MYOCOS: variants seen among roughly 807,000 people sequenced by gnomAD.
MYOCOS encodes myocilin opposite strand protein.
At chr1:171,601,726 A>G (rs1652145331) in intron 1 of MYOCOS, among the ~76,000 whole-genome samples, 1 of 152,080 alleles carries the variant, frequency 6.6e-6, no homozygotes, top group South Asian at 2.1e-4. Flanking sequence ...CACCCAGACC[A>G]ATTTCCGTAC....
intron 2 of MYOCOS, among the ~76,000 whole-genome samples, chr1:171,624,279 T>C (rs999045974): frequency 6.6e-6 from 1 of 152,048 alleles, no homozygotes; most frequent in Admixed American, 6.5e-5. Flanking sequence ...TTTTGTTTTT[T>C]TGAGACAGGG....
intron 1 of MYOCOS, among the ~76,000 whole-genome samples, chr1:171,609,318 C>T (rs182164865): frequency 2.7e-4 from 41 of 152,362 alleles, no homozygotes; most frequent in African/African-American, 9.1e-4. Flanking sequence ...CTCCTTGAGA[C>T]TAGAGTCAAG....
chr1:171,604,692 C>T (rs1462778936), intron 1 of MYOCOS, among the ~76,000 whole-genome samples: 10 of 152,226 alleles, frequency 6.6e-5, no homozygotes, highest in Admixed American at 3.9e-4. Flanking sequence ...GGATAGGATG[C>T]GGTTCTCTAG....
At chr1:171,601,844 A>G (rs1272710386) in intron 1 of MYOCOS, among the ~76,000 whole-genome samples, 1 of 152,216 alleles carries the variant, frequency 6.6e-6, no homozygotes, top group East Asian at 1.9e-4. Context: ...AGAGAAAAAG[A>G]GACCATCTAT....
chr1:171,618,545 G>A (rs1652491460), upstream of MYOCOS, among the ~76,000 whole-genome samples: 1 of 150,758 alleles, frequency 6.6e-6, no homozygotes, highest in Non-Finnish European at 1.5e-5. Flanking sequence ...CTTTCAAGAG[G>A]ATCACTATCT....
At chr1:171,604,759 T>C (rs1466275206) in intron 1 of MYOCOS, among the ~76,000 whole-genome samples, 1 of 152,208 alleles carries the variant, frequency 6.6e-6, no homozygotes, top group Non-Finnish European at 1.5e-5. Flanking sequence ...ATCATATTTA[T>C]GTAAGATGTG....
chr1:171,621,602 C>G (rs965387211), upstream of MYOCOS, among the ~76,000 whole-genome samples: 2 of 152,032 alleles, frequency 1.3e-5, no homozygotes, highest in African/African-American at 4.8e-5. Context: ...GTCTCAATCT[C>G]CTGACCTCGT....
At chr1:171,618,764 C>T (rs985933036), upstream of MYOCOS, among the ~76,000 whole-genome samples, 5 of 152,034 alleles carry the variant, frequency 3.3e-5, no homozygotes, top group Admixed American at 6.6e-5. Flanking sequence ...TTAGTAGAGA[C>T]GGGGTTTCAC....
At chr1:171,620,083 A>ATC (rs1012515646), upstream of MYOCOS, among the ~76,000 whole-genome samples, 1 of 147,794 alleles carries the variant, frequency 6.8e-6, no homozygotes, top group Non-Finnish European at 1.5e-5. Flanking sequence ...ATATATATAT[A>ATC]TATAACCTAT....
At position 171,608,034 on chromosome 1, in the gene MYOCOS, A is replaced by C. The variant is rs144059786; in HGVS notation, c.-251-6764A>C. Among the ~76,000 whole-genome samples the C allele has an allele frequency of 3.3e-3, 504 of 152,302 alleles. 5 individuals are homozygous for C. The highest frequency in any genetic ancestry group is 0.012 in the African/African-American group (480 of 41,570). ...GGGAAACCCCTTATAAAATCGTCAG[A>C]TCTCATGAGACTTATTCGCTACCAC... On this transcript the variant is annotated intron_variant, in intron 1 of 3. Coordinates refer to the MYOCOS transcript ENST00000636697.
At chr1:171,621,500 T>C (rs905098134), upstream of MYOCOS, among the ~76,000 whole-genome samples, 25 of 149,662 alleles carry the variant, frequency 1.7e-4, no homozygotes, top group Middle Eastern at 3.5e-3. Context: ...CTCAGCCTCC[T>C]GAGTAGCTGG....
At chr1:171,626,183 A>C (rs1652692924) in intron 2 of MYOCOS, among the ~76,000 whole-genome samples, 1 of 152,132 alleles carries the variant, frequency 6.6e-6, no homozygotes, top group Non-Finnish European at 1.5e-5. Context: ...CCCAGGCTCA[A>C]GTGATCCTCC....
upstream of MYOCOS, among the ~76,000 whole-genome samples, chr1:171,619,563 T>A (rs978180147): frequency 3.3e-5 from 5 of 152,098 alleles, no homozygotes; most frequent in Non-Finnish European, 7.4e-5. Flanking sequence ...TTTAAATAAA[T>A]CAAGGCCGAG....
chr1:171,603,417 T>C (rs1032097341), intron 1 of MYOCOS, among the ~76,000 whole-genome samples: 1 of 152,168 alleles, frequency 6.6e-6, no homozygotes, highest in African/African-American at 2.4e-5. Flanking sequence ...AAATAAGACA[T>C]CGTAAAGTGA....
chr1:171,617,447 G>A (rs1169137995), upstream of MYOCOS, among the ~76,000 whole-genome samples: 1 of 152,138 alleles, frequency 6.6e-6, no homozygotes, highest in African/African-American at 2.4e-5. Flanking sequence ...AAGCAGAGGG[G>A]TCTGAGAAAG....
intron 1 of MYOCOS, among the ~76,000 whole-genome samples, chr1:171,609,875 A>G (rs1262665432): frequency 6.6e-6 from 1 of 152,220 alleles, no homozygotes; most frequent in Non-Finnish European, 1.5e-5. Context: ...CTGTGGCTCA[A>G]GATCTTTCAT....
intron 1 of MYOCOS, chr1:171,604,502 C>A (rs935501272): frequency 6.6e-6 from 1 of 152,042 alleles, no homozygotes; most frequent in African/African-American, 2.4e-5. Flanking sequence ...AGTGACCAGC[C>A]CGATGTGTGC....
chr1:171,621,879 G>A (rs1049524664), upstream of MYOCOS, among the ~76,000 whole-genome samples: 15 of 152,058 alleles, frequency 9.9e-5, no homozygotes, highest in Admixed American at 2.6e-4. Context: ...TTAAAAAAAT[G>A]CAAGAAAGGC....
At chr1:171,624,673 T>C (rs945048175) in intron 2 of MYOCOS, among the ~76,000 whole-genome samples, 2 of 152,106 alleles carry the variant, frequency 1.3e-5, no homozygotes, top group Non-Finnish European at 2.9e-5. Flanking sequence ...GGTCTAAATC[T>C]CCTGACCTTG....
Sources: gnomAD v4.1 joint callset for allele counts (sites outside exome capture counted in the v4.1 genomes callset) on GRCh38, gnomAD v4.1.1 for gene constraint, MANE v1.5 for transcripts, NCBI Gene and HGNC (gene_info 2026-07-23, HGNC 2026-07-21) for gene names.